Variants in CEP72 observed in about 807,000 individuals in gnomAD.
CEP72 encodes centrosomal protein of 72 kDa.
A neutral mutation model predicts 65.7 loss-of-function variants in CEP72; 78 were observed. The observed-to-expected ratio is 1.19, with a 90% CI of 0.99 to 1.43. The LOEUF is 1.43. Ranked by LOEUF, CEP72 falls within the 40% of genes most tolerant of loss-of-function variation. CEP72 has a pLI of 0.00. For missense variants in CEP72, 914 were observed against 832.9 expected (o/e 1.10, Z -1.20); for synonymous variants, 358 against 351.7 (o/e 1.02, Z -0.20).
In CEP72 at chr5:635,602, A is replaced by C. The variant is rs1737539190; in HGVS notation, c.904+18A>C. On this transcript the variant is annotated intron_variant, in intron 6 of 11. Transcript: ENST00000264935. ...ACACCCAGGTACTTACGCGTGTCTT[A>C]GTCTGTTTTCTGTTGCTGTAACAGA... 6.3e-7 allele frequency: 1 copy of C among 1,578,218 alleles called. No homozygotes were observed. The highest frequency in any genetic ancestry group is 8.7e-7 in the Non-Finnish European group (1 of 1,148,942).
chr5:673,450 G>A, the CEP72 span, among the ~76,000 whole-genome samples: 1 of 152,032 alleles, frequency 6.6e-6, no homozygotes, highest in Admixed American at 6.5e-5. Context: ...GTCCATGGCT[G>A]CAGGTGAATG....
In CEP72 at chr5:627,237, TC is replaced by T. The variant is rs562404071; in HGVS notation, c.512+2659del. 2.8e-4 allele frequency among the ~76,000 whole-genome samples: 43 copies of T among 152,386 alleles called. 1 individual carries two copies. In the East Asian group the frequency reaches 8.1e-3, roughly 29 times the overall value. ...TTCTTTCAAGGAATTGGTCGTCTCA[TC>T]TGAGTTGTCACGTTGGTGGGCCTAG... On this transcript the variant is annotated intron_variant, in intron 4 of 11. Transcript: ENST00000264935.
At chr5:651,089 A>G (rs1739027674) in intron 11 of CEP72, among the ~76,000 whole-genome samples, 1 of 60,786 alleles carries the variant, frequency 1.6e-5, no homozygotes, top group Non-Finnish European at 2.9e-5. Context: ...TGAGGCGTGG[A>G]CTGTGAGGCG....
At chr5:626,828 A>C (rs1322156346) in intron 4 of CEP72, among the ~76,000 whole-genome samples, 1 of 152,112 alleles carries the variant, frequency 6.6e-6, no homozygotes, top group Non-Finnish European at 1.5e-5. Context: ...CTGTAAGAGA[A>C]ATAGAAGTAA....
downstream of CEP72, among the ~76,000 whole-genome samples, chr5:658,699 C>T (rs936235481): frequency 8.7e-4 from 79 of 90,730 alleles, no homozygotes; most frequent in African/African-American, 3.1e-3. Flanking sequence ...GATGGAGTCT[C>T]GCTCTATTGC....
rs545143344 is a variant in CEP72, at chr5:612,421, C to T, written c.60C>T (p.Gly20=). 1.6e-3 allele frequency: 2,301 copies of T among 1,472,006 alleles called. 21 individuals are homozygous for T. The highest frequency in any genetic ancestry group is 0.015 in the African/African-American group (1,034 of 68,244). The allele number at this position is 1,472,006 out of a possible 1,614,324, so 91.2% of individuals were successfully genotyped here. ...AGGAGGCGGTTCGGGCGAAGAGCGG[C>T]TTAGGGCCTCACCGCGACCTGGGTG... is the stretch of plus-strand genomic sequence containing the variant. The part of the protein sequence containing the change: ...LSEEAVRAKS[G]LGPHRDLAEL... Residue 20 remains glycine (G), a synonymous_variant, in exon 1 of 12, where the codon GGC becomes GGT. Transcript: ENST00000264935.
At chr5:634,558 C>T (rs1737460602) in intron 5 of CEP72, among the ~76,000 whole-genome samples, 1 of 152,230 alleles carries the variant, frequency 6.6e-6, no homozygotes, top group Non-Finnish European at 1.5e-5. Flanking sequence ...CATGTCCTTG[C>T]CGGCACTGGG....
Position 665,991 on chromosome 5 carries a change from C to T in CEP72, n.484C>T, listed in dbSNP as rs146377171. 1,240 of 1,386,506 alleles carry T rather than the reference C, an allele frequency of 8.9e-4. 11 individuals carry two copies. Among genetic ancestry groups the T allele is most frequent in the Non-Finnish European group, 3.0e-4 (311 of 1,044,402 alleles). 85.9% of individuals were successfully genotyped at this position (1,386,506 alleles called of 1,614,324 possible). ...TCACCGTCACCCCTGAGATGATGGGCGCCTTGCCCTCGATGAGCCTGTGCA... is the reference window on the plus strand; with the variant it reads ...TCACCGTCACCCCTGAGATGATGGGTGCCTTGCCCTCGATGAGCCTGTGCA... On this transcript the variant is annotated non_coding_transcript_exon_variant, in exon 4 of 5. Transcript: ENST00000514507.
chr5:658,982 T>C (rs980936362), downstream of CEP72, among the ~76,000 whole-genome samples: 1 of 152,236 alleles, frequency 6.6e-6, no homozygotes, highest in Non-Finnish European at 1.5e-5. Context: ...CGAAGCTGAT[T>C]GATCCACCAT....
chr5:643,325 C>T, intron 9 of CEP72: 13 of 985,456 alleles, frequency 1.3e-5, no homozygotes, highest in Non-Finnish European at 1.6e-5. Context: ...ACCCAAAGCC[C>T]CGCGCGGAGG....
chr5:654,372 T>C (rs1019323320), downstream of CEP72, among the ~76,000 whole-genome samples: 6 of 150,766 alleles, frequency 4.0e-5, no homozygotes, highest in African/African-American at 1.5e-4. Context: ...GTGCTGTGTG[T>C]GCACGCGTTG....
downstream of CEP72, among the ~76,000 whole-genome samples, chr5:668,622 G>A (rs116775536): frequency 0.024 from 3,658 of 152,352 alleles, 133 homozygotes; most frequent in African/African-American, 0.08. Flanking sequence ...CGAGCAACGC[G>A]GCAGAGCCAC....
At position 652,982 on chromosome 5, in the gene CEP72, C is replaced by A; in HGVS notation, c.1779-6C>A. 6.2e-7 allele frequency: 1 copy of A among 1,600,618 alleles called. No individual in the cohort carries two copies. The highest frequency in any genetic ancestry group is 1.1e-5 in the South Asian group (1 of 89,244). On this transcript the variant is annotated splice_region_variant and splice_polypyrimidine_tract_variant and intron_variant, in intron 11 of 11. Coordinates refer to ENST00000264935, the MANE Select transcript of CEP72 (RefSeq NM_018140.4). ...GCCAAGCAGCCGCTTCCCTGTTGTT[C>A]TGCAGCTCCCTGGTCAGCACCAATG...
chr5:613,175 G>A (rs1735782995), intron 1 of CEP72, among the ~76,000 whole-genome samples: 1 of 152,174 alleles, frequency 6.6e-6, no homozygotes, highest in Non-Finnish European at 1.5e-5. Flanking sequence ...GTTGTTTCTG[G>A]TGTTCTGTTG....
chr5:663,061 G>A (rs910632291), intron 1 of CEP72: 1 of 150,836 alleles, frequency 6.6e-6, no homozygotes, highest in Non-Finnish European at 1.5e-5. Flanking sequence ...GTCTGTGATC[G>A]GGTGATTCCG....
intron 3 of CEP72, chr5:665,880 T>G: frequency 9.0e-6 from 2 of 221,900 alleles, no homozygotes; most frequent in Non-Finnish European, 1.0e-5. Flanking sequence ...TCCATGTCCC[T>G]CCTGACCACC....
intron 3 of CEP72, among the ~76,000 whole-genome samples, chr5:623,000 T>C (rs1414035690): frequency 2.0e-5 from 3 of 152,244 alleles, no homozygotes; most frequent in African/African-American, 7.2e-5. Flanking sequence ...TTAGTGTTTC[T>C]GCAGAGAAGG....
At position 616,816 on chromosome 5, in the gene CEP72, ATG is replaced by A. The variant is rs978090349; in HGVS notation, c.83-2159_83-2158del. Among the ~76,000 whole-genome samples, 58 of 105,188 alleles carry A rather than the reference ATG, an allele frequency of 5.5e-4. No homozygotes were observed. The East Asian group carries it at 0.011, about 20-fold the overall frequency. 69.0% of individuals were successfully genotyped at this position (105,188 alleles called of 152,430 possible). Reference sequence around the variant, plus strand: ...GAGGGGTGTGTGTGTGTGTGTGTGTATGTGTGTGTGTGTGTGCGCGCGAGTGG... The same window carrying A: ...GAGGGGTGTGTGTGTGTGTGTGTGTATGTGTGTGTGTGTGCGCGCGAGTGG... On this transcript the variant is annotated intron_variant, in intron 1 of 11. Transcript: ENST00000264935.
chr5:646,936 C>T (rs1279879643), intron 10 of CEP72, among the ~76,000 whole-genome samples: 4 of 152,184 alleles, frequency 2.6e-5, no homozygotes, highest in African/African-American at 7.2e-5. Flanking sequence ...TAGTGTTGTC[C>T]CTGGGGTTCT....
Sources: gnomAD v4.1 joint callset for allele counts (sites outside exome capture counted in the v4.1 genomes callset) on GRCh38, gnomAD v4.1.1 for gene constraint, MANE v1.5 for transcripts, NCBI Gene and HGNC (gene_info 2026-07-23, HGNC 2026-07-21) for gene names.